WWOX: variants seen among roughly 807,000 people sequenced by gnomAD.
WWOX encodes WW domain-containing oxidoreductase.
In WWOX, 69 loss-of-function variants were observed where a neutral mutation model predicts 46.2. That is an observed-to-expected ratio of 1.49 (90% CI 1.23 to 1.82). The LOEUF (loss-of-function observed/expected upper bound fraction) is 1.82. Ranked by LOEUF, WWOX falls within the 40% of genes most tolerant of loss-of-function variation. The probability of loss-of-function intolerance (pLI) is 0.00; values close to 1 mark genes in which losing one functional copy is unlikely to be tolerated. For missense variants in WWOX, 919 were observed against 542.6 expected (o/e 1.69, Z -6.89); for synonymous variants, 359 against 202.6 (o/e 1.77, Z -6.56).
At chr16:78,402,796 G>A (rs2082443771) in intron 6 of WWOX, among the ~76,000 whole-genome samples, 1 of 152,156 alleles carries the variant, frequency 6.6e-6, no homozygotes, top group African/African-American at 2.4e-5. Context: ...CCTGACCTCG[G>A]AAATAATTCT....
intron 8 of WWOX, among the ~76,000 whole-genome samples, chr16:78,571,943 G>C (rs2044725765): frequency 6.6e-6 from 1 of 152,110 alleles, no homozygotes; most frequent in Non-Finnish European, 1.5e-5. Context: ...TAAGTACTAA[G>C]GTCATAACAA....
chr16:78,124,970 C>T (rs530901827), intron 4 of WWOX, among the ~76,000 whole-genome samples: 1 of 152,044 alleles, frequency 6.6e-6, no homozygotes, highest in East Asian at 1.9e-4. Context: ...CGGAGCTAAG[C>T]CTTTTGTATG....
At chr16:78,210,800 ATT>A (rs2036536538) in intron 5 of WWOX, among the ~76,000 whole-genome samples, 1 of 152,168 alleles carries the variant, frequency 6.6e-6, no homozygotes, top group African/African-American at 2.4e-5. Context: ...CCCAGTTATA[ATT>A]CTCCAAAGTA....
rs1346233051 is a variant in WWOX, at chr16:78,386,810, A to G, written c.517-50A>G. On this transcript the variant is annotated intron_variant, in intron 5 of 8. Transcript: ENST00000566780. The stretch of plus-strand genomic sequence containing the variant: ...ACATTTACTGTAACTTGATACCATG[A>G]ACTACACTTGCTGTTATTTATCATT... The G allele has an allele frequency of 2.0e-6, 3 of 1,513,576 alleles. No individual in the cohort carries two copies. In the South Asian group the frequency reaches 3.3e-5, roughly 17 times the overall value. The allele number at this position is 1,513,576 out of a possible 1,614,324, so 93.8% of individuals were successfully genotyped here.
intron 5 of WWOX, among the ~76,000 whole-genome samples, chr16:78,256,310 C>G (rs2038130575): frequency 6.6e-6 from 1 of 152,036 alleles, no homozygotes; most frequent in African/African-American, 2.4e-5. Context: ...GAAATTGTCA[C>G]CCCCTGTCAG....
chr16:78,256,723 T>G (rs1169774139), intron 5 of WWOX, among the ~76,000 whole-genome samples: 1 of 152,182 alleles, frequency 6.6e-6, no homozygotes, highest in Non-Finnish European at 1.5e-5. Context: ...GAATGGTTGA[T>G]GTACAGAAAC....
At chr16:78,804,208 C>T (rs1246758390) in intron 8 of WWOX, among the ~76,000 whole-genome samples, 1 of 152,078 alleles carries the variant, frequency 6.6e-6, no homozygotes, top group Non-Finnish European at 1.5e-5. Context: ...GCAGTCCCTC[C>T]TCTATGCCTT....
intron 8 of WWOX, among the ~76,000 whole-genome samples, chr16:78,910,851 A>G (rs569389102): frequency 2.0e-5 from 3 of 152,142 alleles, no homozygotes; most frequent in African/African-American, 4.8e-5. Flanking sequence ...TATGGGAGCT[A>G]TAATTCAAGA....
intron 8 of WWOX, among the ~76,000 whole-genome samples, chr16:78,490,580 CAG>C (rs780194148): frequency 2.0e-5 from 3 of 152,202 alleles, no homozygotes; most frequent in African/African-American, 4.8e-5. Context: ...AGAAAGAAGA[CAG>C]GGCATTTTGA....
At chr16:78,837,358 A>T (rs1473345806) in intron 8 of WWOX, among the ~76,000 whole-genome samples, 3 of 152,158 alleles carry the variant, frequency 2.0e-5, no homozygotes, top group Non-Finnish European at 4.4e-5. Flanking sequence ...TCACCCAGCA[A>T]CTTGCTTTTT....
chr16:79,183,517 G>A (rs1033855347), intron 8 of WWOX, among the ~76,000 whole-genome samples: 3 of 152,136 alleles, frequency 2.0e-5, no homozygotes, highest in Admixed American at 2.0e-4. Flanking sequence ...CTGTGTCTCT[G>A]AATTGGCATC....
At chr16:78,651,762 C>T (rs939775871) in intron 8 of WWOX, among the ~76,000 whole-genome samples, 9 of 152,150 alleles carry the variant, frequency 5.9e-5, no homozygotes, top group Admixed American at 5.2e-4. Context: ...TCTTTCGTAT[C>T]AACTTATGCT....
intron 8 of WWOX, among the ~76,000 whole-genome samples, chr16:78,863,991 TC>T (rs1484306652): frequency 9.2e-5 from 14 of 152,332 alleles, no homozygotes; most frequent in African/African-American, 2.4e-4. Flanking sequence ...TTTTCTCCTT[TC>T]ATCTGTTGAT....
chr16:78,854,711 G>A (rs1177330905), intron 8 of WWOX, among the ~76,000 whole-genome samples: 5 of 152,160 alleles, frequency 3.3e-5, no homozygotes, highest in African/African-American at 9.6e-5. Flanking sequence ...CTCCCAAGTA[G>A]TTGGGATTAC....
chr16:78,460,318 G>A (rs1489614945), intron 8 of WWOX, among the ~76,000 whole-genome samples: 2 of 152,010 alleles, frequency 1.3e-5, no homozygotes, highest in African/African-American at 4.8e-5. Flanking sequence ...AGTAGAGGCG[G>A]AGTTTCACCA....
chr16:78,485,869 A>G (rs1312120538), intron 8 of WWOX, among the ~76,000 whole-genome samples: 1 of 152,214 alleles, frequency 6.6e-6, no homozygotes, highest in Non-Finnish European at 1.5e-5. Context: ...GAATGTCAGC[A>G]TGGATCACTT....
chr16:78,900,431 A>C (rs2044802106), intron 8 of WWOX, among the ~76,000 whole-genome samples: 1 of 152,240 alleles, frequency 6.6e-6, no homozygotes, highest in East Asian at 1.9e-4. Context: ...TTTTCCTTAA[A>C]AATGAGACTT....
chr16:78,772,749 T>C (rs1174470641), intron 8 of WWOX, among the ~76,000 whole-genome samples: 1 of 152,172 alleles, frequency 6.6e-6, no homozygotes, highest in Non-Finnish European at 1.5e-5. Flanking sequence ...CTAGGCGCGG[T>C]GGCTCACACC....
Position 78,576,534 on chromosome 16 carries a change from C to A in WWOX, c.1056+143782C>A, listed in dbSNP as rs568970164. Among the ~76,000 whole-genome samples the A allele has an allele frequency of 9.2e-5, 14 of 152,268 alleles. No individual in the cohort carries two copies. In the East Asian group the frequency reaches 2.5e-3, roughly 27 times the overall value. Reference sequence around the variant, plus strand: ...AGCTGCACAACCATGAAAGCAGTGACCACATAAAAATGCTGCTTTGAGGCC... The same window carrying A: ...AGCTGCACAACCATGAAAGCAGTGAACACATAAAAATGCTGCTTTGAGGCC... On this transcript the variant is annotated intron_variant, in intron 8 of 8. Transcript: ENST00000566780.
Sources: gnomAD v4.1 joint callset for allele counts (sites outside exome capture counted in the v4.1 genomes callset) on GRCh38, gnomAD v4.1.1 for gene constraint, MANE v1.5 for transcripts, NCBI Gene and HGNC (gene_info 2026-07-23, HGNC 2026-07-21) for gene names.